The following SLCO1A2 variants were observed in gnomAD, a reference collection of about 807,000 sequenced individuals.
SLCO1A2 encodes the protein OATP-1.
In SLCO1A2, 67 loss-of-function variants were observed where a neutral mutation model predicts 69.0. That is an observed-to-expected ratio of 0.97 (90% CI 0.80 to 1.19). The LOEUF (loss-of-function observed/expected upper bound fraction) is 1.19. Among genes scored for constraint, SLCO1A2 ranks in the 50% most tolerant of loss-of-function variants. The pLI, the probability that SLCO1A2 is intolerant of heterozygous loss-of-function variation, is 0.00. For missense variants in SLCO1A2, 787 were observed against 793.7 expected (o/e 0.99, Z 0.10); for synonymous variants, 260 against 265.9 (o/e 0.98, Z 0.22).
At chr12:21,350,745 G>C (rs567346582) in intron 2 of SLCO1A2, among the ~76,000 whole-genome samples, 23 of 147,618 alleles carry the variant, frequency 1.6e-4, no homozygotes, top group African/African-American at 5.7e-4. Context: ...GCCGAGGCAG[G>C]GGAATCACTT....
At chr12:21,361,738 C>T (rs1017142930) in intron 2 of SLCO1A2, among the ~76,000 whole-genome samples, 3 of 152,026 alleles carry the variant, frequency 2.0e-5, no homozygotes, top group East Asian at 3.9e-4. Context: ...ACAAGGACTA[C>T]GTGACGCATG....
chr12:21,402,699 A>G (rs1244633536), intron 1 of SLCO1A2, among the ~76,000 whole-genome samples: 2 of 152,100 alleles, frequency 1.3e-5, no homozygotes, highest in Non-Finnish European at 2.9e-5. Flanking sequence ...TCATAGTTAA[A>G]TGATTACAGC....
At chr12:21,344,557 T>C (rs1005943485) in intron 2 of SLCO1A2, among the ~76,000 whole-genome samples, 1 of 152,108 alleles carries the variant, frequency 6.6e-6, no homozygotes, top group Admixed American at 6.6e-5. Context: ...CTGGCTCACA[T>C]GTTAGAAATT....
At chr12:21,392,374 G>A (rs747151672) in intron 1 of SLCO1A2, among the ~76,000 whole-genome samples, 1 of 152,126 alleles carries the variant, frequency 6.6e-6, no homozygotes, top group African/African-American at 2.4e-5. Flanking sequence ...CCTCCTGGCA[G>A]GTGGATCCAG....
chr12:21,397,625 A>G (rs1333678984), upstream of SLCO1A2, among the ~76,000 whole-genome samples: 1 of 152,072 alleles, frequency 6.6e-6, no homozygotes, highest in Non-Finnish European at 1.5e-5. Context: ...ACTGGGAAGT[A>G]AAGCTCTCCT....
rs865981111 is a variant in SLCO1A2, at chr12:21,285,870, G to C, written c.1610+6294C>G. Among the ~76,000 whole-genome samples the C allele has an allele frequency of 1.3e-3, 200 of 152,030 alleles. 1 individual carries two copies. The highest frequency in any genetic ancestry group is 4.6e-3 in the African/African-American group (189 of 41,486). ...GATGGGACGTATTTCAAAATAATAA[G>C]AGCTGTCTATGACAGACCCACAGCC... On this transcript the variant is annotated intron_variant, in intron 12 of 14. Transcript: ENST00000683939.
At chr12:21,402,009 C>T (rs1053295610) in intron 1 of SLCO1A2, among the ~76,000 whole-genome samples, 1 of 150,662 alleles carries the variant, frequency 6.6e-6, no homozygotes, top group Admixed American at 6.6e-5. Flanking sequence ...AGTAATATTC[C>T]TGCATAATCC....
At chr12:21,413,815 C>G (rs929663275) in intron 1 of SLCO1A2, among the ~76,000 whole-genome samples, 1 of 151,994 alleles carries the variant, frequency 6.6e-6, no homozygotes, top group African/African-American at 2.4e-5. Flanking sequence ...GTAACAGAGG[C>G]GGCTGTTTGA....
intron 1 of SLCO1A2, among the ~76,000 whole-genome samples, chr12:21,374,818 G>C (rs922816755): frequency 1.6e-5 from 2 of 121,844 alleles, no homozygotes; most frequent in Non-Finnish European, 1.7e-5. Context: ...TTTGAGACAG[G>C]GTCTCTCTCT....
At chr12:21,298,942 T>A (rs901013344) in intron 8 of SLCO1A2, among the ~76,000 whole-genome samples, 2 of 152,170 alleles carry the variant, frequency 1.3e-5, no homozygotes. Context: ...AAAAATTCTA[T>A]GCAAATTGAC....
At chr12:21,316,635 T>A (rs1950903755) in intron 3 of SLCO1A2, among the ~76,000 whole-genome samples, 2 of 152,066 alleles carry the variant, frequency 1.3e-5, no homozygotes, top group African/African-American at 4.8e-5. Context: ...CTCTGACCAT[T>A]CCTTCTCTTA....
intron 2 of SLCO1A2, among the ~76,000 whole-genome samples, chr12:21,324,375 T>C (rs1347692866): frequency 6.6e-6 from 1 of 152,196 alleles, no homozygotes; most frequent in Non-Finnish European, 1.5e-5. Flanking sequence ...TTTAGGCTTA[T>C]TATACTTGGC....
intron 2 of SLCO1A2, among the ~76,000 whole-genome samples, chr12:21,358,073 A>C (rs1448564292): frequency 1.3e-5 from 2 of 152,154 alleles, no homozygotes; most frequent in African/African-American, 4.8e-5. Context: ...CATGTTTTGA[A>C]TCTGGTAAAA....
chr12:21,391,615 C>T (rs1195823296), intron 1 of SLCO1A2, among the ~76,000 whole-genome samples: 4 of 151,976 alleles, frequency 2.6e-5, no homozygotes, highest in Non-Finnish European at 5.9e-5. Flanking sequence ...TATGTGGTGA[C>T]ATCAGAAAAG....
At chr12:21,283,129 G>A (rs1394316698) in intron 12 of SLCO1A2, among the ~76,000 whole-genome samples, 3 of 151,986 alleles carry the variant, frequency 2.0e-5, no homozygotes, top group Non-Finnish European at 4.4e-5. Context: ...AAAGCAAAAA[G>A]AACAAAACTG....
upstream of SLCO1A2, among the ~76,000 whole-genome samples, chr12:21,418,520 T>C (rs1437247221): frequency 6.6e-6 from 1 of 152,118 alleles, no homozygotes; most frequent in East Asian, 1.9e-4. Context: ...ATAATCATGA[T>C]GGAAGGCAAA....
chr12:21,352,070 C>A (rs895008913), intron 2 of SLCO1A2, among the ~76,000 whole-genome samples: 1 of 152,126 alleles, frequency 6.6e-6, no homozygotes, highest in Non-Finnish European at 1.5e-5. Context: ...TTCAAGATGC[C>A]TCCAGGGTCT....
chr12:21,386,594 C>T lies in SLCO1A2; in HGVS notation c.-190+8312G>A, dbSNP rs937750243. On this transcript the variant is annotated intron_variant, in intron 1 of 15. Transcript: ENST00000307378. ...AAGACGTGTGTTTGCTTCTCCTTCA[C>T]CTTCTGCCATGATTGTGTGGCCCCC... Among the ~76,000 whole-genome samples the T allele has an allele frequency of 3.3e-5, 5 of 152,112 alleles. No homozygotes were observed. The South Asian group carries it at 1.0e-3, about 32-fold the overall frequency.
chr12:21,279,570 G>GA (rs141035297), intron 12 of SLCO1A2, among the ~76,000 whole-genome samples: 6 of 151,942 alleles, frequency 3.9e-5, no homozygotes, highest in Non-Finnish European at 8.8e-5. Context: ...AGTGCTGAAG[G>GA]AAAAAAACTT....
Sources: allele counts gnomAD v4.1 joint callset (sites outside exome capture counted in the v4.1 genomes callset), GRCh38; gene constraint gnomAD v4.1.1; transcripts MANE v1.5; gene names NCBI Gene and HGNC (gene_info 2026-07-23, HGNC 2026-07-21).